The following PIK3CB variants were observed in gnomAD, a reference collection of about 807,000 sequenced individuals.
PIK3CB encodes phosphatidylinositol-4,5-bisphosphate 3-kinase catalytic subunit beta.
A neutral mutation model predicts 136.8 loss-of-function variants in PIK3CB; 39 were observed. The ratio of observed to expected loss-of-function variants is 0.29; its 90% confidence interval spans 0.22 to 0.37. The LOEUF (loss-of-function observed/expected upper bound fraction) is 0.37. Among genes scored for constraint, PIK3CB ranks in the 10% least tolerant of loss-of-function variants. PIK3CB has a pLI of 1.00. For synonymous variants in PIK3CB, 428 were observed against 436.6 expected (o/e 0.98, Z 0.25); for missense variants, 868 against 1,275.4 (o/e 0.68, Z 4.87).
intron 21 of PIK3CB, among the ~76,000 whole-genome samples, chr3:138,659,019 A>C (rs955992930): frequency 6.6e-6 from 1 of 152,106 alleles, no homozygotes; most frequent in Non-Finnish European, 1.5e-5. Flanking sequence ...TTTGTGTCCC[A>C]CATCACATTC....
chr3:138,831,908 A>G (rs1382284531), intron 1 of PIK3CB, among the ~76,000 whole-genome samples: 1 of 152,050 alleles, frequency 6.6e-6, no homozygotes, highest in Non-Finnish European at 1.5e-5. Context: ...ACAGAGAGAG[A>G]CTCCATCTCA....
At chr3:138,727,083 G>T (rs2044855654) in intron 8 of PIK3CB, among the ~76,000 whole-genome samples, 1 of 151,906 alleles carries the variant, frequency 6.6e-6, no homozygotes, top group African/African-American at 2.4e-5. Flanking sequence ...GCCCTACAAG[G>T]CCAAGGAAAG....
intron 3 of PIK3CB, among the ~76,000 whole-genome samples, chr3:138,757,450 T>C (rs2045590335): frequency 7.1e-6 from 1 of 140,788 alleles, no homozygotes; most frequent in Non-Finnish European, 1.5e-5. Flanking sequence ...GAGATACCAC[T>C]TCACATCCAT....
intron 19 of PIK3CB, among the ~76,000 whole-genome samples, chr3:138,676,580 C>A (rs937951079): frequency 2.8e-4 from 43 of 152,184 alleles, no homozygotes; most frequent in African/African-American, 1.0e-3. Flanking sequence ...ATTGTAATAG[C>A]AAAATAGTGA....
intron 2 of PIK3CB, among the ~76,000 whole-genome samples, chr3:138,783,328 C>T (rs2045941330): frequency 6.6e-6 from 1 of 150,686 alleles, no homozygotes; most frequent in Non-Finnish European, 1.5e-5. Flanking sequence ...GCCACCCAGG[C>T]TGGAATGCAG....
intron 2 of PIK3CB, among the ~76,000 whole-genome samples, chr3:138,790,721 G>A (rs2046038609): frequency 6.6e-6 from 1 of 151,508 alleles, no homozygotes; most frequent in Non-Finnish European, 1.5e-5. Flanking sequence ...GGCTGAGGCA[G>A]GAGAATGGCG....
intron 19 of PIK3CB, among the ~76,000 whole-genome samples, chr3:138,680,082 G>A (rs2043736376): frequency 6.7e-6 from 1 of 149,080 alleles, no homozygotes; most frequent in African/African-American, 2.4e-5. Flanking sequence ...AGAAAAGACA[G>A]GGGGCGGCGA....
intron 19 of PIK3CB, among the ~76,000 whole-genome samples, chr3:138,678,191 G>A (rs2043689030): frequency 6.6e-6 from 1 of 152,040 alleles, no homozygotes; most frequent in Admixed American, 6.6e-5. Context: ...AAGAAGCTGA[G>A]GTGAGAGGAT....
At chr3:138,687,089 C>T (rs1172789713) in intron 16 of PIK3CB, among the ~76,000 whole-genome samples, 1 of 152,142 alleles carries the variant, frequency 6.6e-6, no homozygotes, top group Non-Finnish European at 1.5e-5. Context: ...ATCCACACTT[C>T]CTGGAACAGT....
At chr3:138,693,795 T>C (rs778302258) in intron 14 of PIK3CB, among the ~76,000 whole-genome samples, 1 of 151,460 alleles carries the variant, frequency 6.6e-6, no homozygotes, top group Non-Finnish European at 1.5e-5. Flanking sequence ...TTCATAGATA[T>C]ATATGAAACA....
chr3:138,822,430 C>T (rs1405662455), intron 1 of PIK3CB, among the ~76,000 whole-genome samples: 1 of 151,618 alleles, frequency 6.6e-6, no homozygotes, highest in Non-Finnish European at 1.5e-5. Flanking sequence ...ACCTGTAGTT[C>T]CAGCTTCTCA....
chr3:138,751,426 C>T (rs2045469960), intron 4 of PIK3CB, among the ~76,000 whole-genome samples: 3 of 151,706 alleles, frequency 2.0e-5, no homozygotes, highest in Non-Finnish European at 2.9e-5. Flanking sequence ...CCACTGCACT[C>T]CAGCCTGGGC....
chr3:138,765,218 G>A (rs1221402719), intron 2 of PIK3CB, among the ~76,000 whole-genome samples: 1 of 152,142 alleles, frequency 6.6e-6, no homozygotes, highest in Non-Finnish European at 1.5e-5. Context: ...TCAGGAGCCT[G>A]AGGCAGGAGA....
chr3:138,678,747 A>G (rs915089720), intron 19 of PIK3CB, among the ~76,000 whole-genome samples: 1 of 152,182 alleles, frequency 6.6e-6, no homozygotes, highest in African/African-American at 2.4e-5. Context: ...ACTAAAACAA[A>G]ATTACTAGGG....
At position 138,785,125 on chromosome 3, in the gene PIK3CB, G is replaced by A. The variant is rs531863175; in HGVS notation, c.-17+11338C>T. Among the ~76,000 whole-genome samples, 8 of 151,204 alleles carry A rather than the reference G, an allele frequency of 5.3e-5. No homozygotes were observed. In the South Asian group the frequency reaches 8.4e-4, roughly 16 times the overall value. ...GGGGGCAGCCCCCGCTCGGCCAGCC[G>A]CCCCGTCCGGGAGGGAGATGGGGGG... On this transcript the variant is annotated intron_variant, in intron 2 of 23. Transcript: ENST00000674063.
At chr3:138,765,386 C>T (rs2045720493) in intron 2 of PIK3CB, among the ~76,000 whole-genome samples, 1 of 152,084 alleles carries the variant, frequency 6.6e-6, no homozygotes, top group Non-Finnish European at 1.5e-5. Context: ...TCATGCTTGA[C>T]AGGAAAACTT....
At chr3:138,780,956 G>A (rs1319723338) in intron 2 of PIK3CB, among the ~76,000 whole-genome samples, 1 of 152,110 alleles carries the variant, frequency 6.6e-6, no homozygotes, top group Non-Finnish European at 1.5e-5. Context: ...AAGTGCTGAT[G>A]TTACAAGCAT....
intron 2 of PIK3CB, among the ~76,000 whole-genome samples, chr3:138,775,078 C>T (rs17204215): frequency 1.3e-5 from 2 of 152,158 alleles, no homozygotes; most frequent in African/African-American, 4.8e-5. Context: ...TTTCATTTCT[C>T]CCTCACTATG....
chr3:138,738,002 C>T lies in PIK3CB; in HGVS notation c.622-116G>A, dbSNP rs3729698. 790 of 505,296 alleles carry T rather than the reference C, an allele frequency of 1.6e-3. 4 individuals carry two copies. Among genetic ancestry groups the T allele is most frequent in the African/African-American group, 0.013 (667 of 50,370 alleles). The allele number at this position is 505,296 out of a possible 1,614,324, so 31.3% of individuals were successfully genotyped here. Reference sequence around the variant, plus strand: ...AATGTACATAATATTTATATGGGTACATCCTTAACAAATTTTATATGGATG... The same window carrying T: ...AATGTACATAATATTTATATGGGTATATCCTTAACAAATTTTATATGGATG... On this transcript the variant is annotated intron_variant, in intron 5 of 23. Transcript: ENST00000674063.
Sources: allele counts gnomAD v4.1 joint callset (sites outside exome capture counted in the v4.1 genomes callset), GRCh38; gene constraint gnomAD v4.1.1; transcripts MANE v1.5; gene names NCBI Gene and HGNC (gene_info 2026-07-23, HGNC 2026-07-21).